SLC22A3: variants seen among roughly 807,000 people sequenced by gnomAD.
The protein encoded by SLC22A3 is solute carrier family 22 member 3.
SLC22A3 carries 51 observed loss-of-function variants against 59.1 expected under a neutral mutation model. That is an observed-to-expected ratio of 0.86 (90% CI 0.69 to 1.09). SLC22A3 has a LOEUF of 1.09. SLC22A3 is among the 50% of genes least tolerant of loss of function. The pLI is 0.00. For synonymous variants in SLC22A3, 325 were observed against 292.0 expected (o/e 1.11, Z -1.15); for missense variants, 711 against 726.3 (o/e 0.98, Z 0.24).
intron 7 of SLC22A3, among the ~76,000 whole-genome samples, chr6:160,437,843 G>T (rs571537095): frequency 6.6e-6 from 1 of 152,174 alleles, no homozygotes; most frequent in Non-Finnish European, 1.5e-5. Context: ...GAGAGAGGAC[G>T]GACGTTTCCA....
In SLC22A3 at chr6:160,412,615, A is replaced by G. The variant is rs145859158; in HGVS notation, c.975+1769A>G. Among the ~76,000 whole-genome samples, 185 of 152,332 alleles carry G rather than the reference A, an allele frequency of 1.2e-3. 2 individuals carry two copies. Among genetic ancestry groups the G allele is most frequent in the Non-Finnish European group, 1.6e-3 (111 of 68,012 alleles). ...ATGATCTTTTTAAACCACTATGATT[A>G]GTCCATCCTTGTCACTCTTTGAGTG... On this transcript the variant is annotated intron_variant, in intron 5 of 10. Coordinates refer to ENST00000275300, the MANE Select transcript of SLC22A3 (RefSeq NM_021977.4).
At chr6:160,353,500 C>G (rs557852663) in intron 1 of SLC22A3, among the ~76,000 whole-genome samples, 1 of 152,306 alleles carries the variant, frequency 6.6e-6, no homozygotes, top group African/African-American at 2.4e-5. Context: ...GGGTACCACC[C>G]TCTGATGGGA....
At position 160,385,779 on chromosome 6, in the gene SLC22A3, G is replaced by A. The variant is rs576121371; in HGVS notation, c.430-12200G>A. 4.7e-3 allele frequency among the ~76,000 whole-genome samples: 709 copies of A among 152,322 alleles called. 3 individuals carry two copies. Among genetic ancestry groups the A allele is most frequent in the African/African-American group, 0.016 (684 of 41,564 alleles). ...CTCTCTTGCCTGGGACAGATGACAT[G>A]GCTCCTGCCTGCTCTGCTCTCTGTC... is the stretch of plus-strand genomic sequence containing the variant. On this transcript the variant is annotated intron_variant, in intron 1 of 10. Coordinates refer to ENST00000275300, the MANE Select transcript of SLC22A3 (RefSeq NM_021977.4).
At chr6:160,438,000 C>T (rs1249599319) in intron 7 of SLC22A3, among the ~76,000 whole-genome samples, 3 of 152,016 alleles carry the variant, frequency 2.0e-5, no homozygotes, top group South Asian at 2.1e-4. Context: ...TGTGAGCTTG[C>T]GGAGGAGGAG....
chr6:160,363,093 C>T (rs1454833388), intron 1 of SLC22A3, among the ~76,000 whole-genome samples: 1 of 152,210 alleles, frequency 6.6e-6, no homozygotes, highest in Non-Finnish European at 1.5e-5. Context: ...CCAATGCGCA[C>T]AGTGTTGCCG....
At chr6:160,362,954 G>C (rs112477490) in intron 1 of SLC22A3, among the ~76,000 whole-genome samples, 104 of 152,236 alleles carry the variant, frequency 6.8e-4, no homozygotes, top group African/African-American at 2.3e-3. Context: ...TCCTGCCAGG[G>C]TCTCCTTTGG....
At position 160,348,738 on chromosome 6, in the gene SLC22A3, G is replaced by A. The variant is rs1294593760; in HGVS notation, c.319G>A (p.Ala107Thr). 6 of 1,533,460 alleles carry A rather than the reference G, an allele frequency of 3.9e-6. No homozygotes were observed. The African/African-American group carries it at 8.3e-5, about 21-fold the overall frequency. The allele number at this position is 1,533,460 out of a possible 1,614,324, so 95.0% of individuals were successfully genotyped here. ...CAACGACAGCGCCTCCGCCACTAGC[G>A]CTCTCAGCTGCGCGGACCCACTCGC... ...AANDSASATS[A>T]LSCADPLAAF... The change falls in exon 1 of 11, where the codon GCT becomes ACT. Residue 107 changes from alanine (A) to threonine (T), a missense_variant. Physicochemically the swap from Ala to Thr is moderately conservative, Grantham distance 58. Coordinates refer to ENST00000275300, the MANE Select transcript of SLC22A3 (RefSeq NM_021977.4).
Position 160,386,200 on chromosome 6 carries a change from G to A in SLC22A3, c.430-11779G>A, listed in dbSNP as rs188720159. Among the ~76,000 whole-genome samples, 389 of 152,252 alleles carry A rather than the reference G, an allele frequency of 2.6e-3. 2 individuals carry two copies. Among genetic ancestry groups the A allele is most frequent in the Middle Eastern group, 6.8e-3 (2 of 294 alleles). On this transcript the variant is annotated intron_variant, in intron 1 of 10. Transcript: ENST00000275300. ...TGCTGCCTTTGGGGCTTTTGCTTTC[G>A]CCTCCAGCTCCTTATACTTCTGCCC...
rs189849617 is a variant in SLC22A3 at position 160,451,161 on chromosome 6, C to T, written c.*105C>T. 2.0e-4 allele frequency: 207 copies of T among 1,011,342 alleles called. 1 individual carries two copies. Among genetic ancestry groups the T allele is most frequent in the African/African-American group, 5.6e-4 (35 of 62,740 alleles). 62.6% of individuals were successfully genotyped at this position (1,011,342 alleles called of 1,614,324 possible). Reference sequence around the variant, plus strand: ...TGTGCATTTCAGCTACATCATGCCGCGCTGTTGTAATACTGTATAAAGACC... The same window carrying T: ...TGTGCATTTCAGCTACATCATGCCGTGCTGTTGTAATACTGTATAAAGACC... On this transcript the variant is annotated 3_prime_UTR_variant, in exon 11 of 11. Transcript: ENST00000275300.
At chr6:160,371,962 C>T (rs746370015) in intron 1 of SLC22A3, among the ~76,000 whole-genome samples, 12 of 152,072 alleles carry the variant, frequency 7.9e-5, no homozygotes, top group East Asian at 1.9e-4. Context: ...GTTTGTTGGC[C>T]GGATAAATGT....
intron 5 of SLC22A3, among the ~76,000 whole-genome samples, chr6:160,436,498 A>G (rs971089444): frequency 2.0e-5 from 3 of 152,320 alleles, no homozygotes; most frequent in Middle Eastern, 3.4e-3. Flanking sequence ...ATTTCCCCCA[A>G]TGTAATAAAT....
At chr6:160,368,089 C>T (rs181720011) in intron 1 of SLC22A3, among the ~76,000 whole-genome samples, 7 of 152,216 alleles carry the variant, frequency 4.6e-5, no homozygotes, top group South Asian at 2.1e-4. Context: ...AGTGTCCTGA[C>T]GTCCACTCTG....
intron 5 of SLC22A3, among the ~76,000 whole-genome samples, chr6:160,414,721 G>A (rs1787398275): frequency 6.6e-6 from 1 of 152,154 alleles, no homozygotes; most frequent in Non-Finnish European, 1.5e-5. Context: ...CAGATCTCAT[G>A]AGAATTCACT....
chr6:160,428,929 C>G (rs1210051281), intron 5 of SLC22A3, among the ~76,000 whole-genome samples: 1 of 152,128 alleles, frequency 6.6e-6, no homozygotes, highest in African/African-American at 2.4e-5. Context: ...CTATTTCCAC[C>G]CAGAAGCTGG....
chr6:160,421,436 T>A (rs1288388321), intron 5 of SLC22A3, among the ~76,000 whole-genome samples: 1 of 152,190 alleles, frequency 6.6e-6, no homozygotes, highest in Admixed American at 6.5e-5. Context: ...TTATCCGTGA[T>A]TAGTTATGAA....
At chr6:160,427,549 G>A (rs1325575978) in intron 5 of SLC22A3, among the ~76,000 whole-genome samples, 4 of 152,216 alleles carry the variant, frequency 2.6e-5, no homozygotes, top group East Asian at 1.9e-4. Context: ...CTCAGCTGGC[G>A]AGTGGACAGG....
In SLC22A3 at chr6:160,451,191, T is replaced by A; in HGVS notation, c.*135T>A. 1 of 758,886 alleles carries A rather than the reference T, an allele frequency of 1.3e-6. No individual in the cohort carries two copies. The highest frequency in any genetic ancestry group is 1.5e-5 in the South Asian group (1 of 64,856). 47.0% of individuals were successfully genotyped at this position (758,886 alleles called of 1,614,324 possible). A position where few individuals can be genotyped will look rare whatever the true frequency, so the allele number is the denominator to read the frequency against. The stretch of plus-strand genomic sequence containing the variant: ...TTGTAATACTGTATAAAGACCTCAA[T>A]CTATCCAGAGTATTTTTATATAATG... On this transcript the variant is annotated 3_prime_UTR_variant, in exon 11 of 11. Transcript: ENST00000275300.
intron 5 of SLC22A3, among the ~76,000 whole-genome samples, chr6:160,420,964 T>A (rs989713065): frequency 6.6e-6 from 1 of 152,166 alleles, no homozygotes; most frequent in African/African-American, 2.4e-5. Context: ...CACCCCTTCC[T>A]CCGCAGAGCC....
intron 5 of SLC22A3, among the ~76,000 whole-genome samples, chr6:160,433,938 C>T (rs899387141): frequency 6.6e-6 from 1 of 152,112 alleles, no homozygotes; most frequent in Non-Finnish European, 1.5e-5. Context: ...GTGAATATTT[C>T]TTTTGAAAAG....
Sources: gnomAD v4.1 joint callset for allele counts (sites outside exome capture counted in the v4.1 genomes callset) on GRCh38, gnomAD v4.1.1 for gene constraint, MANE v1.5 for transcripts, NCBI Gene and HGNC (gene_info 2026-07-23, HGNC 2026-07-21) for gene names.